The following NCALD variants were observed in gnomAD, a reference collection of about 807,000 sequenced individuals.
NCALD encodes neurocalcin delta, also known as neurocalcin-delta.
NCALD carries 10 observed loss-of-function variants against 18.6 expected under a neutral mutation model. The ratio of observed to expected loss-of-function variants is 0.54; its 90% CI spans 0.33 to 0.91. The LOEUF (loss-of-function observed/expected upper bound fraction) is 0.91. NCALD is among the 40% of genes least tolerant of loss of function. The pLI is 0.03. For synonymous variants in NCALD, 88 were observed against 87.4 expected, an observed-to-expected ratio of 1.01 and a Z score of -0.04; for missense variants, 184 against 247.6, an observed-to-expected ratio of 0.74 and a Z score of 1.72.
intron 2 of NCALD, among the ~76,000 whole-genome samples, chr8:101,978,132 CTGCT>C (rs1820490762): frequency 6.6e-6 from 1 of 151,654 alleles, no homozygotes; most frequent in Non-Finnish European, 1.5e-5. Flanking sequence ...GTGCATATGC[CTGCT>C]TGTCAGTCAC....
intron 1 of NCALD, among the ~76,000 whole-genome samples, chr8:101,758,757 A>G (rs1810991488): frequency 6.6e-6 from 1 of 152,202 alleles, no homozygotes; most frequent in Non-Finnish European, 1.5e-5. Flanking sequence ...GAACACCTCA[A>G]TAGCAGGCCT....
rs150034538 is a variant in NCALD at position 102,032,597 on chromosome 8, G to C, written c.-209-12308C>G. Among the ~76,000 whole-genome samples, 533 of 104,156 alleles carry C rather than the reference G, an allele frequency of 5.1e-3. 3 individuals carry two copies. Among genetic ancestry groups the C allele is most frequent in the African/African-American group, 0.017 (463 of 27,316 alleles). 68.3% of individuals were successfully genotyped at this position (104,156 alleles called of 152,430 possible). On this transcript the variant is annotated intron_variant, in intron 1 of 6. Transcript: ENST00000311028. ...GATTTGGCCAGATGGTCATCGACTT[G>C]GAAAGAACAGAATAGAAAAACTGCT...
At chr8:101,976,140 C>A (rs1820415292) in intron 2 of NCALD, among the ~76,000 whole-genome samples, 1 of 152,206 alleles carries the variant, frequency 6.6e-6, no homozygotes. Flanking sequence ...CCAGGCCTTA[C>A]CCTTCAGGAC....
At chr8:101,918,923 C>T (rs1352713120) in intron 2 of NCALD, among the ~76,000 whole-genome samples, 5 of 152,134 alleles carry the variant, frequency 3.3e-5, no homozygotes, top group Non-Finnish European at 7.4e-5. Flanking sequence ...TTACATTGGC[C>T]ATATTACCCG....
At chr8:101,900,710 G>A (rs1320512764) in intron 3 of NCALD, among the ~76,000 whole-genome samples, 4 of 152,020 alleles carry the variant, frequency 2.6e-5, no homozygotes, top group Non-Finnish European at 4.4e-5. Context: ...ATTATAGCCA[G>A]AGAATACACT....
intron 2 of NCALD, among the ~76,000 whole-genome samples, chr8:101,702,619 C>A (rs1815320572): frequency 6.6e-6 from 1 of 152,298 alleles, no homozygotes; most frequent in East Asian, 1.9e-4. Flanking sequence ...TTTAGAATAA[C>A]CCAGCACTAT....
chr8:101,804,770 G>A (rs903406891), intron 4 of NCALD, among the ~76,000 whole-genome samples: 2 of 149,308 alleles, frequency 1.3e-5, no homozygotes, highest in Non-Finnish European at 3.0e-5. Flanking sequence ...ATAGATTACT[G>A]TATAGTATAA....
chr8:101,927,529 G>T (rs1009282114), intron 2 of NCALD, among the ~76,000 whole-genome samples: 5 of 152,176 alleles, frequency 3.3e-5, no homozygotes, highest in African/African-American at 1.2e-4. Flanking sequence ...AAGAGTCAGG[G>T]AAGAGCAATC....
At chr8:102,004,790 T>C (rs895136077) in intron 2 of NCALD, among the ~76,000 whole-genome samples, 1 of 152,136 alleles carries the variant, frequency 6.6e-6, no homozygotes, top group Non-Finnish European at 1.5e-5. Flanking sequence ...AAGGATTCCC[T>C]ATTTAATAAA....
chr8:101,978,333 G>A (rs1820498930), intron 2 of NCALD, among the ~76,000 whole-genome samples: 1 of 152,050 alleles, frequency 6.6e-6, no homozygotes, highest in Non-Finnish European at 1.5e-5. Context: ...CTTCATCCAG[G>A]CTCCCAGAGA....
chr8:102,047,903 T>C (rs1047768614), intron 1 of NCALD, among the ~76,000 whole-genome samples: 11 of 152,218 alleles, frequency 7.2e-5, no homozygotes, highest in Admixed American at 3.3e-4. Context: ...TATGATGCTA[T>C]TTTTACATTT....
At chr8:101,818,935 C>T (rs1320036390) in intron 4 of NCALD, among the ~76,000 whole-genome samples, 1 of 152,136 alleles carries the variant, frequency 6.6e-6, no homozygotes, top group Non-Finnish European at 1.5e-5. Flanking sequence ...ATCTGGGAGG[C>T]AGAGGTTACA....
At chr8:101,858,282 A>G (rs1188362411) in intron 4 of NCALD, among the ~76,000 whole-genome samples, 1 of 152,236 alleles carries the variant, frequency 6.6e-6, no homozygotes, top group East Asian at 1.9e-4. Context: ...CAAAACTGAA[A>G]TTAACCATCT....
chr8:101,827,717 T>C (rs1417089887), intron 4 of NCALD, among the ~76,000 whole-genome samples: 1 of 152,216 alleles, frequency 6.6e-6, no homozygotes, highest in East Asian at 1.9e-4. Context: ...CACAAGGTTG[T>C]TAGGAAAGGA....
intron 3 of NCALD, among the ~76,000 whole-genome samples, chr8:101,915,273 C>T (rs1256347658): frequency 1.3e-5 from 2 of 152,210 alleles, no homozygotes; most frequent in Admixed American, 6.5e-5. Context: ...CTAACTCCTA[C>T]ATTGCCTTGC....
intron 3 of NCALD, among the ~76,000 whole-genome samples, chr8:101,911,959 A>G (rs1817816464): frequency 6.6e-6 from 1 of 152,150 alleles, no homozygotes; most frequent in African/African-American, 2.4e-5. Context: ...TCAGATACCT[A>G]AATATAAGGG....
chr8:102,015,188 GT>G (rs1206190210), intron 2 of NCALD, among the ~76,000 whole-genome samples: 1 of 152,092 alleles, frequency 6.6e-6, no homozygotes, highest in Non-Finnish European at 1.5e-5. Flanking sequence ...CCATTCTACT[GT>G]CTCATTTTTG....
intron 2 of NCALD, among the ~76,000 whole-genome samples, chr8:101,991,362 AT>A (rs917647117): frequency 1.1e-4 from 17 of 152,178 alleles, no homozygotes; most frequent in Admixed American, 6.5e-4. Context: ...CAGGATGAGA[AT>A]TTGAGGGAAA....
chr8:101,808,788 G>A (rs564227254), intron 4 of NCALD, among the ~76,000 whole-genome samples: 5 of 152,070 alleles, frequency 3.3e-5, no homozygotes, highest in East Asian at 1.9e-4. Flanking sequence ...GATGGATGGC[G>A]GGGCTGTAAG....
Sources: allele counts gnomAD v4.1 joint callset (sites outside exome capture counted in the v4.1 genomes callset), GRCh38; gene constraint gnomAD v4.1.1; transcripts MANE v1.5; gene names NCBI Gene and HGNC (gene_info 2026-07-23, HGNC 2026-07-21).